The following HYDIN variants were observed in gnomAD, a reference collection of about 807,000 sequenced individuals.
HYDIN encodes HYDIN axonemal central pair apparatus protein.
HYDIN carries 132 observed loss-of-function variants against 403.9 expected under a neutral mutation model. That is an observed-to-expected ratio of 0.33 (90% CI 0.28 to 0.38). The LOEUF (loss-of-function observed/expected upper bound fraction) is 0.38. Ranked by LOEUF, HYDIN falls within the 10% of genes least tolerant of loss-of-function variation. HYDIN has a pLI of 1.00. For missense variants in HYDIN, 2,827 were observed against 5,009.5 expected, an observed-to-expected ratio of 0.56 and a Z score of 13.15; for synonymous variants, 1,202 against 1,891.7, an observed-to-expected ratio of 0.64 and a Z score of 9.46.
chr16:70,944,192 T>C (rs1161958040), intron 41 of HYDIN, among the ~76,000 whole-genome samples: 1 of 152,234 alleles, frequency 6.6e-6, no homozygotes, highest in Non-Finnish European at 1.5e-5. Flanking sequence ...TTTTCATTCA[T>C]TCGATAATTA....
intron 5 of HYDIN, among the ~76,000 whole-genome samples, chr16:71,167,043 C>T (rs113870754): frequency 0.018 from 2,575 of 146,010 alleles, 25 homozygotes; most frequent in Middle Eastern, 0.035. Flanking sequence ...CCAGCCTGGG[C>T]GACAGAGTGA....
intron 19 of HYDIN, among the ~76,000 whole-genome samples, chr16:71,031,199 CAA>C (rs376968331): frequency 4.0e-4 from 10 of 25,210 alleles, no homozygotes; most frequent in African/African-American, 8.2e-4. Context: ...GACTCCATCT[CAA>C]AAAAAAAAAA....
chr16:71,036,794 C>A (rs111809334), intron 18 of HYDIN, among the ~76,000 whole-genome samples: 2 of 152,086 alleles, frequency 1.3e-5, no homozygotes, highest in East Asian at 1.9e-4. Flanking sequence ...TTACCTTACA[C>A]GAGTCAGCCT....
intron 1 of HYDIN, among the ~76,000 whole-genome samples, chr16:71,224,777 G>A (rs974553111): frequency 6.6e-6 from 1 of 151,764 alleles, no homozygotes; most frequent in South Asian, 2.1e-4. Context: ...TAGCCGGGAT[G>A]GTCTCGATCT....
At chr16:70,866,886 G>T (rs1293134110) in intron 66 of HYDIN, among the ~76,000 whole-genome samples, 1 of 151,886 alleles carries the variant, frequency 6.6e-6, no homozygotes, top group African/African-American at 2.4e-5. Context: ...TTAGCCGGGT[G>T]TGGTGGTGCA....
Position 70,955,525 on chromosome 16 carries a change from C to T in HYDIN, c.6166G>A (p.Val2056Met), listed in dbSNP as rs751359283. ...CAGGCTGCGTTGTAGTACTTGGCCA[C>T]GCTAACGGCATTGGCTGACTTTCCT... is the stretch of plus-strand genomic sequence containing the variant. ...LSGKSANAVS[V>M]AKYYNAACLS... The change falls in exon 40 of 86, where the codon GTG (valine) becomes ATG (methionine). Residue 2056 changes from valine (V) to methionine (M), a missense_variant. Transcript: ENST00000393567. The T allele has an allele frequency of 6.6e-6, 10 of 1,525,262 alleles. No individual in the cohort carries two copies. Among genetic ancestry groups the T allele is most frequent in the South Asian group, 4.6e-5 (4 of 86,572 alleles). The allele number at this position is 1,525,262 out of a possible 1,614,324, so 94.5% of individuals were successfully genotyped here. A position where few individuals can be genotyped will look rare whatever the true frequency, so the allele number is the denominator to read the frequency against.
intron 16 of HYDIN, 94 bp from the exon 17 acceptor site, chr16:71,062,427 G>A: frequency 9.6e-7 from 1 of 1,042,626 alleles, no homozygotes; most frequent in South Asian, 1.7e-5. Context: ...GTCCGTAGAG[G>A]TGTTTTAGAA....
intron 28 of HYDIN, among the ~76,000 whole-genome samples, chr16:70,982,162 T>C (rs967236952): frequency 3.9e-4 from 58 of 150,570 alleles, no homozygotes; most frequent in African/African-American, 1.2e-3. Context: ...AGAAAAATCG[T>C]TCATAAATAT....
At chr16:70,983,801 G>C (rs960983338) in intron 28 of HYDIN, among the ~76,000 whole-genome samples, 1 of 151,354 alleles carries the variant, frequency 6.6e-6, no homozygotes, top group Non-Finnish European at 1.5e-5. Flanking sequence ...ATTAAAAAAA[G>C]AAAAATATAT....
rs2034979033 is a variant in HYDIN at position 70,803,443 on chromosome 16, C to T, written c.*4137G>A. The stretch of plus-strand genomic sequence containing the variant: ...ACCTGTGACCATTCCTGTTGAAACT[C>T]TTCTAGACTAGGGGATAACTGATGT... On this transcript the variant is annotated 3_prime_UTR_variant, in exon 86 of 86. Transcript: ENST00000393567. Among the ~76,000 whole-genome samples the T allele has an allele frequency of 2.0e-5, 3 of 152,200 alleles. No individual in the cohort carries two copies. Among genetic ancestry groups the T allele is most frequent in the Admixed American group, 2.0e-4 (3 of 15,288 alleles).
intron 1 of HYDIN, among the ~76,000 whole-genome samples, chr16:71,222,037 C>T (rs1432783797): frequency 6.6e-6 from 1 of 152,124 alleles, no homozygotes; most frequent in Non-Finnish European, 1.5e-5. Flanking sequence ...TTTCTTTTTT[C>T]AATCCACAAA....
chr16:71,120,832 A>T (rs1425042323), intron 9 of HYDIN, among the ~76,000 whole-genome samples: 4 of 152,046 alleles, frequency 2.6e-5, no homozygotes, highest in Non-Finnish European at 5.9e-5. Flanking sequence ...GTAGTTTACG[A>T]CTCAACTTTT....
chr16:71,117,871 T>G (rs1247085576), intron 9 of HYDIN, among the ~76,000 whole-genome samples: 1 of 151,962 alleles, frequency 6.6e-6, no homozygotes, highest in East Asian at 1.9e-4. Context: ...ATCAGTATAC[T>G]TTGCAGGCAG....
At chr16:70,925,438 A>G (rs2077123016) in intron 45 of HYDIN, among the ~76,000 whole-genome samples, 1 of 152,218 alleles carries the variant, frequency 6.6e-6, no homozygotes. Context: ...TCCCTTCCTT[A>G]CACCTTATAC....
At chr16:70,954,491 AC>A (rs943703810) in intron 40 of HYDIN, among the ~76,000 whole-genome samples, 12 of 149,574 alleles carry the variant, frequency 8.0e-5, no homozygotes, top group African/African-American at 2.5e-4. Context: ...AAAGAAAACA[AC>A]CCCCCTCCCC....
intron 1 of HYDIN, among the ~76,000 whole-genome samples, chr16:71,220,579 T>C (rs752503297): frequency 6.6e-6 from 1 of 152,232 alleles, no homozygotes; most frequent in Non-Finnish European, 1.5e-5. Flanking sequence ...TTGCTAAACC[T>C]GAATTTTTCC....
At chr16:71,197,602 C>A (rs1177573406) in intron 1 of HYDIN, among the ~76,000 whole-genome samples, 1 of 152,126 alleles carries the variant, frequency 6.6e-6, no homozygotes, top group African/African-American at 2.4e-5. Flanking sequence ...ACAAAGTGAA[C>A]ACCTGTATAA....
At chr16:71,016,164 G>GA (rs1310754609) in intron 23 of HYDIN, among the ~76,000 whole-genome samples, 2 of 152,224 alleles carry the variant, frequency 1.3e-5, no homozygotes, top group Non-Finnish European at 2.9e-5. Flanking sequence ...CGCAGCAAAG[G>GA]AAAGAATAGA....
At chr16:71,141,019 G>T (rs991027319) in intron 7 of HYDIN, among the ~76,000 whole-genome samples, 1 of 151,694 alleles carries the variant, frequency 6.6e-6, no homozygotes, top group Non-Finnish European at 1.5e-5. Context: ...TGCTGAAAAA[G>T]AATTTGACAA....
Sources: allele counts gnomAD v4.1 joint callset (sites outside exome capture counted in the v4.1 genomes callset), GRCh38; gene constraint gnomAD v4.1.1; transcripts MANE v1.5; gene names NCBI Gene and HGNC (gene_info 2026-07-23, HGNC 2026-07-21).